The following ZMAT3 variants were observed in gnomAD, a reference collection of about 807,000 sequenced individuals.
ZMAT3 encodes the protein zinc finger matrin-type protein 3.
A neutral mutation model predicts 32.3 loss-of-function variants in ZMAT3; 17 were observed. The ratio of observed to expected loss-of-function variants is 0.53; its 90% CI spans 0.36 to 0.79. The LOEUF is 0.79. ZMAT3 is among the 30% of genes least tolerant of loss of function. The pLI is 0.00. For synonymous variants in ZMAT3, 120 were observed against 133.1 expected (o/e 0.90, Z 0.68); for missense variants, 329 against 359.7 (o/e 0.91, Z 0.69).
intron 2 of ZMAT3, among the ~76,000 whole-genome samples, chr3:179,033,149 T>G (rs1057009767): frequency 6.6e-6 from 1 of 152,216 alleles, no homozygotes; most frequent in African/African-American, 2.4e-5. Flanking sequence ...TAAGAAAAAT[T>G]CTTCTGCCTT....
At chr3:179,028,234 C>A (rs1718985895) in intron 3 of ZMAT3, among the ~76,000 whole-genome samples, 1 of 152,082 alleles carries the variant, frequency 6.6e-6, no homozygotes, top group Admixed American at 6.6e-5. Flanking sequence ...GATACATAGT[C>A]ATATATTTTT....
chr3:179,037,777 T>C lies in ZMAT3; in HGVS notation c.271-6778A>G, dbSNP rs766567217. ...AAGTCTTCTAAAAACAGGTGAGAAT[T>C]TGAATCTACAACTCTGGCGGAAGAT... is the stretch of plus-strand genomic sequence containing the variant. On this transcript the variant is annotated intron_variant, in intron 2 of 5. Coordinates refer to ENST00000311417, the MANE Select transcript of ZMAT3 (RefSeq NM_022470.4). Among the ~76,000 whole-genome samples the C allele has an allele frequency of 8.3e-4, 126 of 152,160 alleles. 1 individual carries two copies. The highest frequency in any genetic ancestry group is 1.2e-3 in the Non-Finnish European group (84 of 68,018).
intron 2 of ZMAT3, among the ~76,000 whole-genome samples, chr3:179,051,538 T>C (rs1720556944): frequency 6.6e-6 from 1 of 152,182 alleles, no homozygotes; most frequent in African/African-American, 2.4e-5. Flanking sequence ...ACCATGCTCA[T>C]GATGGGTAGA....
chr3:179,026,574 CG>C (rs763011526), intron 5 of ZMAT3, among the ~76,000 whole-genome samples: 11 of 151,792 alleles, frequency 7.2e-5, no homozygotes, highest in Non-Finnish European at 1.6e-4. Flanking sequence ...TCAGTAGACA[CG>C]GGGTTTCACC....
At position 179,021,338 on chromosome 3, in the gene ZMAT3, C is replaced by T. The variant is rs1226995031; in HGVS notation, c.*3679G>A. 1 of 152,154 alleles carries T rather than the reference C, an allele frequency of 6.6e-6. No homozygotes were observed. Among genetic ancestry groups the T allele is most frequent in the Non-Finnish European group, 1.5e-5 (1 of 68,012 alleles). 9.4% of individuals were successfully genotyped at this position (152,154 alleles called of 1,614,324 possible). ...TAACTGAACTTTTTTTACAAAACCA[C>T]TTCAAAGGTATATGCAATCCAATCT... On this transcript the variant is annotated 3_prime_UTR_variant, in exon 6 of 6. Transcript: ENST00000311417.
intron 2 of ZMAT3, 140 bp from the exon 3 acceptor site, chr3:179,031,139 G>A (rs1390383568): frequency 1.5e-6 from 1 of 648,254 alleles, no homozygotes. Flanking sequence ...TTCCATGACA[G>A]TATATTTTTA....
intron 2 of ZMAT3, among the ~76,000 whole-genome samples, chr3:179,037,817 G>C (rs1308483457): frequency 6.6e-6 from 1 of 152,182 alleles, no homozygotes; most frequent in Non-Finnish European, 1.5e-5. Flanking sequence ...GGGTTAAATA[G>C]TTACTGACTA....
intron 2 of ZMAT3, among the ~76,000 whole-genome samples, chr3:179,034,404 T>C (rs1369409864): frequency 6.6e-6 from 1 of 152,238 alleles, no homozygotes; most frequent in East Asian, 1.9e-4. Context: ...TCTTGAAACA[T>C]TCCTCCTACT....
intron 2 of ZMAT3, among the ~76,000 whole-genome samples, chr3:179,067,200 G>A (rs1721459892): frequency 6.6e-6 from 1 of 152,170 alleles, no homozygotes; most frequent in African/African-American, 2.4e-5. Context: ...TAAGACTACA[G>A]GTTCAGATGC....
At chr3:179,045,158 T>C (rs1226906083) in intron 2 of ZMAT3, among the ~76,000 whole-genome samples, 2 of 151,892 alleles carry the variant, frequency 1.3e-5, no homozygotes, top group East Asian at 1.9e-4. Flanking sequence ...TGGCAAAGAA[T>C]CCAAAAATAA....
At chr3:179,056,545 G>C (rs931308553) in intron 2 of ZMAT3, among the ~76,000 whole-genome samples, 5 of 152,172 alleles carry the variant, frequency 3.3e-5, no homozygotes, top group Admixed American at 3.3e-4. Flanking sequence ...ACTGCCCCAG[G>C]GGATGAAGAT....
intron 2 of ZMAT3, among the ~76,000 whole-genome samples, chr3:179,056,495 T>C (rs1229314621): frequency 6.6e-6 from 1 of 152,120 alleles, no homozygotes; most frequent in African/African-American, 2.4e-5. Context: ...GCCGCCCCCT[T>C]GTCCATGCCC....
intron 2 of ZMAT3, among the ~76,000 whole-genome samples, chr3:179,055,971 C>T (rs1305962625): frequency 6.6e-6 from 1 of 152,096 alleles, no homozygotes; most frequent in Admixed American, 6.6e-5. Context: ...GAGATTGGTG[C>T]CACAAACATT....
intron 2 of ZMAT3, among the ~76,000 whole-genome samples, chr3:179,033,426 C>T (rs1008940616): frequency 1.3e-5 from 2 of 151,844 alleles, no homozygotes; most frequent in African/African-American, 4.8e-5. Flanking sequence ...CTGACCTTCC[C>T]TCCACTATTG....
rs186939713 is a variant in ZMAT3, at chr3:179,024,075, T to C, written c.*942A>G. 1 of 152,034 alleles carries C rather than the reference T, an allele frequency of 6.6e-6. No homozygotes were observed. The highest frequency in any genetic ancestry group is 1.9e-4 in the East Asian group (1 of 5,154). 9.4% of individuals were successfully genotyped at this position (152,034 alleles called of 1,614,324 possible). A position where few individuals can be genotyped will look rare whatever the true frequency, so the allele number is the denominator to read the frequency against. On this transcript the variant is annotated 3_prime_UTR_variant, in exon 6 of 6. Transcript: ENST00000311417. ...TCATTGAATATTCAAATATGAGGCTTGGAAAACCCACAGCACAGCTGGGGC... is the reference window on the plus strand; with the variant it reads ...TCATTGAATATTCAAATATGAGGCTCGGAAAACCCACAGCACAGCTGGGGC...
chr3:179,070,385 T>C (rs1721648153), intron 1 of ZMAT3, among the ~76,000 whole-genome samples: 1 of 152,234 alleles, frequency 6.6e-6, no homozygotes, highest in Non-Finnish European at 1.5e-5. Flanking sequence ...ATTTACCCAT[T>C]ATCACATTTG....
intron 2 of ZMAT3, among the ~76,000 whole-genome samples, chr3:179,064,286 A>G (rs1221551144): frequency 6.6e-6 from 1 of 152,238 alleles, no homozygotes; most frequent in African/African-American, 2.4e-5. Flanking sequence ...CAGCTTGGTA[A>G]TGCTCTGTAT....
rs928556122 is a variant in ZMAT3, at chr3:179,071,777, C to G, written c.-240G>C. On this transcript the variant is annotated 5_prime_UTR_variant, in exon 1 of 6. Coordinates refer to ENST00000311417, the MANE Select transcript of ZMAT3 (RefSeq NM_022470.4). ...CTGACTGTCAAAAGTCAGTCCAACC[C>G]GACCCACAGGGAAACAGCTGCAGGA... is the stretch of plus-strand genomic sequence containing the variant. 1 of 152,648 alleles carries G rather than the reference C, an allele frequency of 6.6e-6. No individual in the cohort carries two copies. The highest frequency in any genetic ancestry group is 1.5e-5 in the Non-Finnish European group (1 of 68,416). 9.5% of individuals were successfully genotyped at this position (152,648 alleles called of 1,614,324 possible).
chr3:179,056,844 T>C (rs1720873178), intron 2 of ZMAT3, among the ~76,000 whole-genome samples: 1 of 152,208 alleles, frequency 6.6e-6, no homozygotes. Context: ...TCTTTTCACA[T>C]GCTTTTCTAA....
Sources: gnomAD v4.1 joint callset for allele counts (sites outside exome capture counted in the v4.1 genomes callset) on GRCh38, gnomAD v4.1.1 for gene constraint, MANE v1.5 for transcripts, NCBI Gene and HGNC (gene_info 2026-07-23, HGNC 2026-07-21) for gene names.